Variants in SCD5 observed in about 807,000 individuals in gnomAD.
SCD5 encodes the protein stearoyl-CoA desaturase 5, also known as acyl-CoA-desaturase 4.
A neutral mutation model predicts 30.4 loss-of-function variants in SCD5; 20 were observed. The ratio of observed to expected loss-of-function variants is 0.66; its 90% CI spans 0.46 to 0.96. The LOEUF (loss-of-function observed/expected upper bound fraction) is 0.96. Ranked by LOEUF, SCD5 falls within the 40% of genes least tolerant of loss-of-function variation. SCD5 has a pLI of 0.00. For missense variants in SCD5, 381 were observed against 443.3 expected (o/e 0.86, Z 1.26); for synonymous variants, 173 against 176.4 (o/e 0.98, Z 0.16).
chr4:82,630,462 A>C lies in SCD5; in HGVS notation c.*865T>G, dbSNP rs1298154250. ...CTCTGCTCCTTCAGATGGTTGTTTA[A>C]AAGCAATGATGGGTTAATTGGTAGA... On this transcript the variant is annotated 3_prime_UTR_variant, in exon 5 of 5. Transcript: ENST00000319540. 1 of 152,212 alleles carries C rather than the reference A, an allele frequency of 6.6e-6. No individual in the cohort carries two copies. The highest frequency in any genetic ancestry group is 1.5e-5 in the Non-Finnish European group (1 of 68,038). 9.4% of individuals were successfully genotyped at this position (152,212 alleles called of 1,614,324 possible). A position where few individuals can be genotyped will look rare whatever the true frequency, so the allele number is the denominator to read the frequency against.
intron 1 of SCD5, among the ~76,000 whole-genome samples, chr4:82,747,077 A>G (rs1322147902): frequency 2.1e-5 from 2 of 96,446 alleles, no homozygotes; most frequent in East Asian, 3.0e-4. Flanking sequence ...CTGCCCCCCA[A>G]GAAAGACGAC....
At chr4:82,660,483 TA>T (rs1400298275) in intron 3 of SCD5, 12 of 972,750 alleles carry the variant, frequency 1.2e-5, no homozygotes, top group African/African-American at 8.8e-5. Flanking sequence ...AAAGTTTTTA[TA>T]AATGGAATAT....
chr4:82,749,806 G>T (rs1223169003), intron 1 of SCD5, among the ~76,000 whole-genome samples: 1 of 152,212 alleles, frequency 6.6e-6, no homozygotes, highest in South Asian at 2.1e-4. Flanking sequence ...AGTCATTAAA[G>T]AACTATATGC....
At chr4:82,712,298 TTTATTTTTATTTTA>T (rs1478428977) in intron 1 of SCD5, among the ~76,000 whole-genome samples, 1 of 22,854 alleles carries the variant, frequency 4.4e-5, no homozygotes, top group African/African-American at 1.7e-4. Flanking sequence ...ATATATATAT[TTTATTTTTATTTTA>T]TTTTTTTTTT....
chr4:82,721,683 A>G (rs1366956157), intron 1 of SCD5, among the ~76,000 whole-genome samples: 1 of 152,198 alleles, frequency 6.6e-6, no homozygotes, highest in African/African-American at 2.4e-5. Flanking sequence ...AGAGGCCTGG[A>G]ACAAATCCTT....
At chr4:82,679,371 C>G (rs1163788371) in intron 3 of SCD5, among the ~76,000 whole-genome samples, 1 of 151,914 alleles carries the variant, frequency 6.6e-6, no homozygotes, top group Non-Finnish European at 1.5e-5. Context: ...TGAATTGATA[C>G]CGGGTGTTTT....
chr4:82,676,845 A>G (rs1728447212), intron 3 of SCD5, among the ~76,000 whole-genome samples: 1 of 152,208 alleles, frequency 6.6e-6, no homozygotes, highest in Non-Finnish European at 1.5e-5. Context: ...GGCTGCCTTT[A>G]CACAATTTAC....
At chr4:82,633,523 G>A (rs1272179895) in intron 4 of SCD5, among the ~76,000 whole-genome samples, 1 of 152,172 alleles carries the variant, frequency 6.6e-6, no homozygotes, top group Non-Finnish European at 1.5e-5. Context: ...AGATCATATG[G>A]TAGCTCTATT....
chr4:82,701,026 A>AATTTG (rs763173548), intron 2 of SCD5, among the ~76,000 whole-genome samples: 29 of 152,156 alleles, frequency 1.9e-4, no homozygotes, highest in Non-Finnish European at 3.8e-4. Flanking sequence ...GAATAGTAAC[A>AATTTG]ATTTGTTTAG....
At chr4:82,738,216 G>A (rs1030671893) in intron 1 of SCD5, among the ~76,000 whole-genome samples, 4 of 152,068 alleles carry the variant, frequency 2.6e-5, no homozygotes, top group South Asian at 2.1e-4. Context: ...GTCAAGAGAC[G>A]GAGACTGACC....
intron 4 of SCD5, among the ~76,000 whole-genome samples, chr4:82,633,848 A>G (rs1395091173): frequency 6.6e-6 from 1 of 152,202 alleles, no homozygotes; most frequent in Non-Finnish European, 1.5e-5. Context: ...TTATGCATCC[A>G]TCACCACAAT....
At position 82,705,296 on chromosome 4, in the gene SCD5, G is replaced by C; in HGVS notation, c.350C>G (p.Ser117Cys). 2 of 1,614,242 alleles carry C rather than the reference G, an allele frequency of 1.2e-6. No individual in the cohort carries two copies. Among genetic ancestry groups the C allele is most frequent in the Non-Finnish European group, 1.7e-6 (2 of 1,180,044 alleles). Reference sequence around the variant, plus strand: ...CTCCATCCTCACCTGGAAAGCCATGGAGTTGGCGACAGCCAGAAATATCCT... The same window carrying C: ...CTCCATCCTCACCTGGAAAGCCATGCAGTTGGCGACAGCCAGAAATATCCT... ...PLRIFLAVAN[S>C]MAFQNDIFEW... Residue 117 changes from serine to cysteine, a missense_variant, in exon 2 of 5, where the codon TCC becomes TGC. By Grantham distance (112) the Ser-to-Cys change is moderately radical. Transcript: ENST00000319540.
At chr4:82,661,120 T>G (rs750378927) in intron 3 of SCD5, 2 of 1,586,774 alleles carry the variant, frequency 1.3e-6, no homozygotes, top group Non-Finnish European at 1.7e-6. Flanking sequence ...CCACCCAGGT[T>G]TGTTCAGCAA....
chr4:82,666,988 T>TA (rs1305381799), intron 3 of SCD5, among the ~76,000 whole-genome samples: 2 of 152,078 alleles, frequency 1.3e-5, no homozygotes, highest in Non-Finnish European at 2.9e-5. Context: ...ATACATATTT[T>TA]AAAAAAATAA....
intron 1 of SCD5, among the ~76,000 whole-genome samples, chr4:82,730,569 T>C (rs1192289533): frequency 6.7e-6 from 1 of 148,164 alleles, no homozygotes; most frequent in Non-Finnish European, 1.5e-5. Context: ...GGAAAATATA[T>C]GTATTTTTTT....
intron 1 of SCD5, among the ~76,000 whole-genome samples, chr4:82,742,328 G>A (rs143938963): frequency 8.2e-4 from 125 of 152,230 alleles, no homozygotes; most frequent in African/African-American, 2.8e-3. Context: ...GGGACCAAAC[G>A]TGGCCACTCA....
intron 3 of SCD5, among the ~76,000 whole-genome samples, chr4:82,637,966 C>T (rs1315185551): frequency 6.6e-6 from 1 of 152,146 alleles, no homozygotes; most frequent in Non-Finnish European, 1.5e-5. Flanking sequence ...CACCTGTCAA[C>T]CCATCGCCTA....
At chr4:82,794,104 C>T (rs1472464195) in intron 1 of SCD5, among the ~76,000 whole-genome samples, 1 of 152,188 alleles carries the variant, frequency 6.6e-6, no homozygotes, top group African/African-American at 2.4e-5. Flanking sequence ...CCCCACACTG[C>T]CTTGTTAATC....
chr4:82,677,928 T>C (rs1728471047), intron 3 of SCD5, among the ~76,000 whole-genome samples: 1 of 151,950 alleles, frequency 6.6e-6, no homozygotes, highest in Admixed American at 6.6e-5. Context: ...AGGCAATTCT[T>C]AGAGATAATA....
Sources: allele counts gnomAD v4.1 joint callset (sites outside exome capture counted in the v4.1 genomes callset), GRCh38; gene constraint gnomAD v4.1.1; transcripts MANE v1.5; gene names NCBI Gene and HGNC (gene_info 2026-07-23, HGNC 2026-07-21).